Variants in TSPAN9 observed in about 807,000 individuals in gnomAD.
The protein encoded by TSPAN9 is tetraspanin-9.
TSPAN9 carries 16 observed loss-of-function variants against 31.0 expected under a neutral mutation model. The ratio of observed to expected loss-of-function variants is 0.52; its 90% CI spans 0.35 to 0.78. The LOEUF (loss-of-function observed/expected upper bound fraction) is 0.78, where lower values mean the gene tolerates loss of function less well. Among genes scored for constraint, TSPAN9 ranks in the 30% least tolerant of loss-of-function variants. TSPAN9 has a pLI of 0.01. For missense variants in TSPAN9, 272 were observed against 312.5 expected, an observed-to-expected ratio of 0.87 and a Z score of 0.98; for synonymous variants, 145 against 121.6, an observed-to-expected ratio of 1.19 and a Z score of -1.27.
At position 3,230,673 on chromosome 12, in the gene TSPAN9, A is replaced by G. The variant is rs187760256; in HGVS notation, c.63+29417A>G. On this transcript the variant is annotated intron_variant, in intron 3 of 8. Transcript: ENST00000011898. ...CCTCATACCCAGGGGTTTTCCCCAC[A>G]CTGCTCTGGGAACTGAGGGGTAAGA... Among the ~76,000 whole-genome samples the G allele has an allele frequency of 5.2e-3, 798 of 152,042 alleles. 35 individuals carry two copies. The highest frequency in any genetic ancestry group is 0.046 in the Admixed American group (704 of 15,272).
intron 3 of TSPAN9, among the ~76,000 whole-genome samples, chr12:3,205,125 G>A (rs1218968654): frequency 1.3e-5 from 2 of 152,186 alleles, no homozygotes; most frequent in Non-Finnish European, 2.9e-5. Flanking sequence ...GAGGGGTGGG[G>A]GCGGGGCTGG....
chr12:3,203,174 G>A (rs2098372986), intron 3 of TSPAN9, among the ~76,000 whole-genome samples: 1 of 151,998 alleles, frequency 6.6e-6, no homozygotes. Flanking sequence ...CTGCTGGCCG[G>A]AGTTGGTATA....
At chr12:3,175,868 C>G (rs2098355254) in intron 2 of TSPAN9, among the ~76,000 whole-genome samples, 2 of 152,106 alleles carry the variant, frequency 1.3e-5, no homozygotes, top group Admixed American at 1.3e-4. Flanking sequence ...CTCTGGGGAG[C>G]AGAGTTTTAA....
intron 2 of TSPAN9, among the ~76,000 whole-genome samples, chr12:3,183,951 C>A (rs2098359746): frequency 6.6e-6 from 1 of 152,004 alleles, no homozygotes; most frequent in African/African-American, 2.4e-5. Flanking sequence ...ATACATTTTT[C>A]TATAATTGCA....
chr12:3,161,276 TTA>T (rs2153969442), intron 2 of TSPAN9, among the ~76,000 whole-genome samples: 1 of 152,368 alleles, frequency 6.6e-6, no homozygotes, highest in Non-Finnish European at 1.5e-5. Context: ...AATTTTTCTT[TTA>T]TTGTGTTTTT....
Position 3,283,100 on chromosome 12 carries a change from A to C in TSPAN9, c.704A>C (p.Lys235Thr). 6.2e-7 allele frequency: 1 copy of C among 1,609,342 alleles called. No individual in the cohort carries two copies. Among genetic ancestry groups the C allele is most frequent in the Non-Finnish European group, 8.5e-7 (1 of 1,179,988 alleles). ...TLFQHIHRTG[K>T]KYDA ...TTCCAGCACATCCACCGGACTGGTA[A>C]GAAGTACGACGCATGAGCGGGCTGG... Residue 235 changes from lysine (K) to threonine (T), a missense_variant, in exon 9 of 9, where the codon AAG becomes ACG. Coordinates refer to ENST00000011898, the MANE Select transcript of TSPAN9 (RefSeq NM_006675.5).
chr12:3,283,243 C>A lies in TSPAN9; in HGVS notation c.*127C>A. ...CCCACCCCCCACAGCCTGCCCTACCCCACCTACCCTGCCTCAGCCTCGGAC... is the reference window on the plus strand; with the variant it reads ...CCCACCCCCCACAGCCTGCCCTACCACACCTACCCTGCCTCAGCCTCGGAC... On this transcript the variant is annotated 3_prime_UTR_variant, in exon 9 of 9. Transcript: ENST00000011898. The A allele has an allele frequency of 1.1e-6, 1 of 936,416 alleles. No individual in the cohort carries two copies. The highest frequency in any genetic ancestry group is 1.6e-6 in the Non-Finnish European group (1 of 637,844). 58.0% of individuals were successfully genotyped at this position (936,416 alleles called of 1,614,324 possible).
intron 3 of TSPAN9, among the ~76,000 whole-genome samples, chr12:3,234,915 C>G (rs1005173926): frequency 6.6e-6 from 1 of 150,590 alleles, no homozygotes; most frequent in African/African-American, 2.4e-5. Flanking sequence ...CATCCCAGCA[C>G]TTTGGGAGGC....
At chr12:3,182,851 C>T (rs2098359160) in intron 2 of TSPAN9, among the ~76,000 whole-genome samples, 1 of 152,142 alleles carries the variant, frequency 6.6e-6, no homozygotes, top group African/African-American at 2.4e-5. Flanking sequence ...GAGAGGTGAG[C>T]CAGGCCACGC....
chr12:3,184,061 G>T (rs2098359808), intron 2 of TSPAN9, among the ~76,000 whole-genome samples: 1 of 152,138 alleles, frequency 6.6e-6, no homozygotes, highest in Non-Finnish European at 1.5e-5. Flanking sequence ...TAGACCAAAT[G>T]ATCTCTGACG....
At chr12:3,101,410 T>C (rs1355097225) in intron 2 of TSPAN9, among the ~76,000 whole-genome samples, 2 of 151,918 alleles carry the variant, frequency 1.3e-5, no homozygotes, top group African/African-American at 4.8e-5. Flanking sequence ...GTGTTTGGAG[T>C]TGTAAAGTTA....
At chr12:3,117,578 C>T (rs557512359) in intron 2 of TSPAN9, among the ~76,000 whole-genome samples, 1 of 152,290 alleles carries the variant, frequency 6.6e-6, no homozygotes, top group East Asian at 1.9e-4. Flanking sequence ...GTGGGCCCAG[C>T]TCTGCCCCGG....
chr12:3,261,064 G>A (rs1461643526), intron 3 of TSPAN9, among the ~76,000 whole-genome samples: 5 of 152,124 alleles, frequency 3.3e-5, no homozygotes, highest in African/African-American at 7.2e-5. Flanking sequence ...TGACCAACCC[G>A]AACTCCTACC....
chr12:3,174,764 A>G (rs1412993595), intron 2 of TSPAN9, among the ~76,000 whole-genome samples: 1 of 123,094 alleles, frequency 8.1e-6, no homozygotes, highest in Non-Finnish European at 1.9e-5. Flanking sequence ...TTGTATTTTT[A>G]GTAGAGACGG....
chr12:3,244,251 T>C (rs1304762897), intron 3 of TSPAN9, among the ~76,000 whole-genome samples: 1 of 152,198 alleles, frequency 6.6e-6, no homozygotes, highest in Admixed American at 6.5e-5. Flanking sequence ...ACATGGGCCC[T>C]GGTCCCAGTA....
At chr12:3,098,639 T>C (rs1055941486) in intron 2 of TSPAN9, among the ~76,000 whole-genome samples, 2 of 152,228 alleles carry the variant, frequency 1.3e-5, no homozygotes, top group South Asian at 2.1e-4. Flanking sequence ...CCAAATTACT[T>C]GTAGCTCTTT....
chr12:3,190,646 C>T (rs1405568709), intron 2 of TSPAN9, among the ~76,000 whole-genome samples: 1 of 152,196 alleles, frequency 6.6e-6, no homozygotes. Flanking sequence ...AGACTATCAG[C>T]CCCGTTCTTC....
chr12:3,200,823 C>T (rs1219919537), intron 2 of TSPAN9: 2 of 223,842 alleles, frequency 8.9e-6, no homozygotes, highest in East Asian at 3.0e-4. Context: ...AAGGCTCCGC[C>T]GGCCCCCCCG....
At chr12:3,246,694 T>C (rs1862137132) in intron 3 of TSPAN9, among the ~76,000 whole-genome samples, 1 of 152,130 alleles carries the variant, frequency 6.6e-6, no homozygotes, top group Non-Finnish European at 1.5e-5. Context: ...TAATAGCCCC[T>C]TTTGGGGTAG....
Sources: allele counts gnomAD v4.1 joint callset (sites outside exome capture counted in the v4.1 genomes callset), GRCh38; gene constraint gnomAD v4.1.1; transcripts MANE v1.5; gene names NCBI Gene and HGNC (gene_info 2026-07-23, HGNC 2026-07-21).